PEX11A: variants seen among roughly 807,000 people sequenced by gnomAD.
The protein encoded by PEX11A is peroxisomal biogenesis factor 11 alpha, also known as peroxisomal membrane protein 11A.
Under a neutral mutation model 14.4 loss-of-function variants are expected in PEX11A, and 13 were observed. That is an observed-to-expected ratio of 0.90 (90% CI 0.59 to 1.43). PEX11A has a LOEUF of 1.43. Ranked by LOEUF, PEX11A falls within the 40% of genes most tolerant of loss-of-function variation. PEX11A has a pLI of 0.00. For missense variants in PEX11A, 290 were observed against 302.8 expected, an observed-to-expected ratio of 0.96 and a Z score of 0.31; for synonymous variants, 101 against 113.0, an observed-to-expected ratio of 0.89 and a Z score of 0.67.
chr15:89,687,227 T>C (rs1964691779), intron 1 of PEX11A, among the ~76,000 whole-genome samples: 5 of 152,140 alleles, frequency 3.3e-5, no homozygotes, highest in Admixed American at 3.3e-4. Context: ...CTGGCCTGAT[T>C]TTCAGATTTC....
intron 2 of PEX11A, among the ~76,000 whole-genome samples, chr15:89,684,627 A>G (rs7176861): frequency 0.85 from 128,674 of 152,208 alleles, 55,682 homozygotes; most frequent in Non-Finnish European, 0.92. Flanking sequence ...ATAAAGTAGA[A>G]ATGGTAGAAT....
chr15:89,683,399 T>C lies in PEX11A; in HGVS notation c.722A>G (p.Gln241Arg). The C allele has an allele frequency of 6.2e-7, 1 of 1,613,186 alleles. No individual in the cohort carries two copies. Among genetic ancestry groups the C allele is most frequent in the Non-Finnish European group, 8.5e-7 (1 of 1,179,576 alleles). The stretch of plus-strand genomic sequence containing the variant: ...ACCCTAACGGGTCTTCAGCTTCATC[T>C]GAGGATATGCCACAGTGATCATGCC... ...IAGMITVAYP[Q>R]MKLKTR Residue 241 changes from glutamine to arginine, a missense_variant, in exon 3 of 3, where the codon CAG becomes CGG. Transcript: ENST00000300056.
At chr15:89,686,856 A>G (rs1964684602) in intron 1 of PEX11A, among the ~76,000 whole-genome samples, 1 of 151,246 alleles carries the variant, frequency 6.6e-6, no homozygotes, top group African/African-American at 2.4e-5. Context: ...ACTGTACAAA[A>G]TCTCCCTCAT....
chr15:89,687,945 A>G, intron 1 of PEX11A: 1 of 541,262 alleles, frequency 1.8e-6, no homozygotes, highest in Non-Finnish European at 3.5e-6. Context: ...GAACTGGATC[A>G]CTTGGCCCTT....
At chr15:89,689,224 C>T (rs1964744194) in intron 1 of PEX11A, among the ~76,000 whole-genome samples, 1 of 48,726 alleles carries the variant, frequency 2.1e-5, no homozygotes, top group Non-Finnish European at 7.4e-5. Flanking sequence ...GATGTGAATC[C>T]CTCAGTTCTG....
rs1392141180 is a variant in PEX11A at position 89,681,552 on chromosome 15, T to C, written c.*1825A>G. ...CAAGTCAATTTTGTCTAGAAATTTA[T>C]TGAACATAGTTAATCTATTACAGTA... On this transcript the variant is annotated 3_prime_UTR_variant, in exon 3 of 3. Coordinates refer to ENST00000300056, the MANE Select transcript of PEX11A (RefSeq NM_003847.3). The C allele has an allele frequency of 2.8e-6, 2 of 702,100 alleles. No homozygotes were observed. Among genetic ancestry groups the C allele is most frequent in the Non-Finnish European group, 2.6e-6 (1 of 384,760 alleles). 43.5% of individuals were successfully genotyped at this position (702,100 alleles called of 1,614,324 possible).
At chr15:89,689,472 A>C (rs914994556) in intron 1 of PEX11A, among the ~76,000 whole-genome samples, 1 of 152,246 alleles carries the variant, frequency 6.6e-6, no homozygotes, top group Admixed American at 6.5e-5. Context: ...GAGCTGTTAA[A>C]TAAAACTGCA....
At chr15:89,688,060 C>G in intron 1 of PEX11A, 1 of 535,632 alleles carries the variant, frequency 1.9e-6, no homozygotes. Flanking sequence ...GCACAAACTT[C>G]TTGGTAGTTT....
rs1420431561 is a variant in PEX11A, at chr15:89,683,545, A to C, written c.576T>G (p.Pro192=). ...TCTTCACTGTGTCCAGGAGCAAGGG[A>C]GGATGCTGCTTCAGAGATCGGAATA... is the stretch of plus-strand genomic sequence containing the variant. ...LLLFRSLKQH[P]PLLLDTVKNL... Residue 192 remains proline (P), a synonymous_variant, in exon 3 of 3, where the codon CCT becomes CCG. Coordinates refer to ENST00000300056, the MANE Select transcript of PEX11A (RefSeq NM_003847.3). The C allele has an allele frequency of 3.1e-6, 5 of 1,614,240 alleles. No homozygotes were observed. The highest frequency in any genetic ancestry group is 3.4e-6 in the Non-Finnish European group (4 of 1,180,028).
At chr15:89,683,985 A>G in intron 2 of PEX11A, 37 bp from the exon 3 acceptor site, 1 of 1,389,804 alleles carries the variant, frequency 7.2e-7, no homozygotes, top group Non-Finnish European at 1.0e-6. Context: ...CAGTTATTTC[A>G]TTAGTACACA....
At position 89,683,164 on chromosome 15, in the gene PEX11A, C is replaced by T; in HGVS notation, c.*213G>A. The stretch of plus-strand genomic sequence containing the variant: ...GATGAAGGGAAAATATTCAGAAATT[C>T]ACAAGTCACTCCAGCACTCCAAAAA... On this transcript the variant is annotated 3_prime_UTR_variant, in exon 3 of 3. Coordinates refer to ENST00000300056, the MANE Select transcript of PEX11A (RefSeq NM_003847.3). The T allele has an allele frequency of 1.9e-6, 1 of 526,592 alleles. No individual in the cohort carries two copies. Among genetic ancestry groups the T allele is most frequent in the South Asian group, 3.2e-5 (1 of 30,990 alleles). The allele number at this position is 526,592 out of a possible 1,614,324, so 32.6% of individuals were successfully genotyped here. A position where few individuals can be genotyped will look rare whatever the true frequency, so the allele number is the denominator to read the frequency against.
chr15:89,683,487 G>C lies in PEX11A; in HGVS notation c.634C>G (p.Leu212Val), dbSNP rs1221719580. Residue 212 changes from leucine (L) to valine (V), a missense_variant, in exon 3 of 3, where the codon CTG becomes GTG. Leu to Val is a conservative substitution (Grantham distance 32). Transcript: ENST00000300056. ...CCAGGATTGGATTTATAGATCCCCA[G>C]CTGGTCCAAAGGGTTCAGGATATCA... ...LCDILNPLDQ[L>V]GIYKSNPGII... 6.2e-7 allele frequency: 1 copy of C among 1,614,048 alleles called. No individual in the cohort carries two copies. The highest frequency in any genetic ancestry group is 2.2e-5 in the East Asian group (1 of 44,884).
rs529117858 is a variant in PEX11A at position 89,682,316 on chromosome 15, G to A, written c.*1061C>T. 131 of 152,222 alleles carry A rather than the reference G, an allele frequency of 8.6e-4. 1 individual carries two copies. The highest frequency in any genetic ancestry group is 2.8e-3 in the Admixed American group (43 of 15,274). 9.4% of individuals were successfully genotyped at this position (152,222 alleles called of 1,614,324 possible). A position where few individuals can be genotyped will look rare whatever the true frequency, so the allele number is the denominator to read the frequency against. On this transcript the variant is annotated 3_prime_UTR_variant, in exon 3 of 3. Coordinates refer to ENST00000300056, the MANE Select transcript of PEX11A (RefSeq NM_003847.3). Reference sequence around the variant, plus strand: ...AGCCTCCAGAGTATCTGGGACTACAGGCATACTCCACCATGCCTGGCTAAT... The same window carrying A: ...AGCCTCCAGAGTATCTGGGACTACAAGCATACTCCACCATGCCTGGCTAAT...
intron 2 of PEX11A, among the ~76,000 whole-genome samples, chr15:89,684,178 G>T (rs1387607789): frequency 6.6e-6 from 1 of 152,192 alleles, no homozygotes; most frequent in African/African-American, 2.4e-5. Flanking sequence ...TGGGATTATA[G>T]GCACGAGCCA....
chr15:89,686,614 A>C (rs1964681006), intron 1 of PEX11A, 68 bp from the exon 2 acceptor site: 1 of 763,282 alleles, frequency 1.3e-6, no homozygotes, highest in African/African-American at 1.7e-5. Context: ...TCAGGAAGTA[A>C]GGGAAAGAGA....
intron 1 of PEX11A, among the ~76,000 whole-genome samples, chr15:89,689,077 G>A (rs139519930): frequency 6.6e-6 from 1 of 152,186 alleles, no homozygotes; most frequent in East Asian, 1.9e-4. Flanking sequence ...TAGGTACACT[G>A]GAATTACAGG....
In PEX11A at chr15:89,683,927, A is replaced by C; in HGVS notation, c.194T>G (p.Val65Gly). The change falls in exon 3 of 3, where the codon GTA becomes GGA. Residue 65 changes from valine (V) to glycine (G), a missense_variant. Transcript: ENST00000300056. ...GRKWFRLGNV[V>G]HAIQATEQSI... The stretch of plus-strand genomic sequence containing the variant: ...CTGCTCAGTTGCCTGTATAGCATGT[A>C]CCACATTGCCTAGTCTGAACCCTGC... The C allele has an allele frequency of 6.2e-7, 1 of 1,612,804 alleles. No homozygotes were observed. The highest frequency in any genetic ancestry group is 8.5e-7 in the Non-Finnish European group (1 of 1,179,006).
At chr15:89,686,581 T>G (rs746367720) in intron 1 of PEX11A, 35 bp from the exon 2 acceptor site, 1 of 926,810 alleles carries the variant, frequency 1.1e-6, no homozygotes, top group South Asian at 1.4e-5. Context: ...GAAGAATGAT[T>G]TACAAACCAA....
rs1964621936 is a variant in PEX11A at position 89,683,125 on chromosome 15, TTCAA to T, written c.*248_*251del. The T allele has an allele frequency of 2.1e-6, 1 of 484,248 alleles. No homozygotes were observed. The highest frequency in any genetic ancestry group is 3.6e-5 in the South Asian group (1 of 27,676). The allele number at this position is 484,248 out of a possible 1,614,324, so 30.0% of individuals were successfully genotyped here. A position where few individuals can be genotyped will look rare whatever the true frequency, so the allele number is the denominator to read the frequency against. ...GCTCCCACTATGCACATAAGAGATG[TTCAA>T]TCAATGTTAGATGAAGGGAAAATAT... On this transcript the variant is annotated 3_prime_UTR_variant, in exon 3 of 3. Transcript: ENST00000300056.
Sources: gnomAD v4.1 joint callset for allele counts (sites outside exome capture counted in the v4.1 genomes callset) on GRCh38, gnomAD v4.1.1 for gene constraint, MANE v1.5 for transcripts, NCBI Gene and HGNC (gene_info 2026-07-23, HGNC 2026-07-21) for gene names.